CR1L: variants seen among roughly 807,000 people sequenced by gnomAD.
CR1L encodes complement C3b/C4b receptor 1 like, also known as complement component receptor 1-like protein.
In CR1L, 59 loss-of-function variants were observed where a neutral mutation model predicts 62.3. The observed-to-expected ratio is 0.95, with a 90% CI of 0.77 to 1.18. CR1L has a LOEUF of 1.18. CR1L is among the 50% of genes most tolerant of loss of function. The pLI is 0.00. For missense variants in CR1L, 700 were observed against 702.8 expected (o/e 1.00, Z 0.04); for synonymous variants, 279 against 248.7 (o/e 1.12, Z -1.15).
chr1:207,717,715 C>T (rs1257948505), intron 11 of CR1L, 24 bp downstream of exon 11: 27 of 1,612,334 alleles, frequency 1.7e-5, no homozygotes, highest in Non-Finnish European at 2.3e-5. Flanking sequence ...TCCACATATC[C>T]TAAATGGGTT....
At chr1:207,710,359 G>C in intron 10 of CR1L, 1 of 1,341,564 alleles carries the variant, frequency 7.5e-7, no homozygotes, top group Non-Finnish European at 1.1e-6. Flanking sequence ...TTGTTTTGGT[G>C]AACTTGCGGT....
At chr1:207,664,055 T>G (rs1324237560) in intron 1 of CR1L, among the ~76,000 whole-genome samples, 2 of 152,198 alleles carry the variant, frequency 1.3e-5, no homozygotes, top group African/African-American at 2.4e-5. Context: ...GCAGGAAAAG[T>G]CCTTATTTAC....
intron 10 of CR1L, chr1:207,710,755 G>C: frequency 6.2e-7 from 1 of 1,608,314 alleles, no homozygotes; most frequent in Admixed American, 1.7e-5. Context: ...CTGAACAAAT[G>C]GGAGCCGGAG....
chr1:207,671,967 C>CA (rs1354069006), intron 1 of CR1L, among the ~76,000 whole-genome samples: 1 of 150,334 alleles, frequency 6.7e-6, no homozygotes, highest in Admixed American at 6.6e-5. Flanking sequence ...GAATGCAAGA[C>CA]AAAAAATAGA....
chr1:207,673,801 A>T (rs1663649045), intron 1 of CR1L, among the ~76,000 whole-genome samples: 1 of 152,198 alleles, frequency 6.6e-6, no homozygotes, highest in South Asian at 2.1e-4. Context: ...ATTACTCAGC[A>T]TTTTACTCTT....
chr1:207,695,640 A>G (rs1664067173), intron 5 of CR1L, among the ~76,000 whole-genome samples: 3 of 152,312 alleles, frequency 2.0e-5, no homozygotes, highest in South Asian at 4.1e-4. Flanking sequence ...CTCACATTGT[A>G]TAAAGAACTA....
intron 3 of CR1L, among the ~76,000 whole-genome samples, chr1:207,681,999 G>A (rs1663806951): frequency 1.3e-5 from 2 of 151,992 alleles, no homozygotes; most frequent in South Asian, 4.2e-4. Flanking sequence ...CCTGTTGGTG[G>A]GTGGGGGGCT....
chr1:207,710,445 A>ATT, intron 10 of CR1L: 1 of 1,588,006 alleles, frequency 6.3e-7, no homozygotes, highest in South Asian at 1.1e-5. Flanking sequence ...GACAGAGAGT[A>ATT]TTTTCACTAT....
chr1:207,720,679 C>A (rs1236137585), intron 11 of CR1L, among the ~76,000 whole-genome samples: 1 of 152,098 alleles, frequency 6.6e-6, no homozygotes, highest in African/African-American at 2.4e-5. Flanking sequence ...TACATATAAC[C>A]CATATTTACG....
intron 1 of CR1L, among the ~76,000 whole-genome samples, chr1:207,661,712 C>A (rs11580299): frequency 6.6e-6 from 1 of 151,798 alleles, no homozygotes; most frequent in Non-Finnish European, 1.5e-5. Context: ...TTATTTTGCT[C>A]GTTAGTTGAT....
Position 207,645,141 on chromosome 1 carries a change from C to T in CR1L, c.-93C>T. The T allele has an allele frequency of 8.1e-7, 1 of 1,227,832 alleles. No homozygotes were observed. The allele number at this position is 1,227,832 out of a possible 1,614,324, so 76.1% of individuals were successfully genotyped here. On this transcript the variant is annotated 5_prime_UTR_variant, in exon 1 of 12. Coordinates refer to ENST00000508064, the MANE Select transcript of CR1L (RefSeq NM_175710.2). Reference sequence around the variant, plus strand: ...CTGTGAGTTTGGGGATTGTTGTGTCCACTAACCGGACTCAGAAGGGACTTC... The same window carrying T: ...CTGTGAGTTTGGGGATTGTTGTGTCTACTAACCGGACTCAGAAGGGACTTC...
At chr1:207,671,053 T>C (rs1371400732) in intron 1 of CR1L, among the ~76,000 whole-genome samples, 1 of 151,094 alleles carries the variant, frequency 6.6e-6, no homozygotes, top group Non-Finnish European at 1.5e-5. Flanking sequence ...AGGAAGCCAG[T>C]GTTCTGGTTT....
chr1:207,662,074 T>C (rs1663433614), intron 1 of CR1L, among the ~76,000 whole-genome samples: 1 of 152,214 alleles, frequency 6.6e-6, no homozygotes, highest in South Asian at 2.1e-4. Flanking sequence ...TGGCTGCCCT[T>C]AACATTTTTT....
chr1:207,709,247 T>G (rs7543097), intron 10 of CR1L: 96,323 of 156,354 alleles, frequency 0.62, 30,704 homozygotes, highest in East Asian at 0.87. Flanking sequence ...CTACAAAAAA[T>G]ACAAAAATTA....
chr1:207,658,258 A>T (rs187473894), intron 1 of CR1L, among the ~76,000 whole-genome samples: 1 of 151,978 alleles, frequency 6.6e-6, no homozygotes, highest in Non-Finnish European at 1.5e-5. Flanking sequence ...AAACTAGCAG[A>T]TGTAAGGAAA....
chr1:207,692,716 TTC>T (rs146257550), intron 4 of CR1L, among the ~76,000 whole-genome samples: 15 of 149,458 alleles, frequency 1.0e-4, no homozygotes, highest in Non-Finnish European at 1.0e-4. Flanking sequence ...ATGGATCCCC[TTC>T]TCTCTCTCTC....
intron 10 of CR1L, among the ~76,000 whole-genome samples, chr1:207,716,321 C>T (rs1417828541): frequency 1.3e-5 from 2 of 151,702 alleles, no homozygotes; most frequent in Admixed American, 1.3e-4. Context: ...TGGAAGGAGC[C>T]GGGATGACGA....
intron 10 of CR1L, among the ~76,000 whole-genome samples, chr1:207,713,887 G>T (rs1463087267): frequency 6.6e-6 from 1 of 152,056 alleles, no homozygotes. Flanking sequence ...CATCTCCAAG[G>T]CTGACTTGGC....
At chr1:207,701,680 C>T in intron 9 of CR1L, 62 bp downstream of exon 9, 1 of 1,606,280 alleles carries the variant, frequency 6.2e-7, no homozygotes, top group Non-Finnish European at 8.5e-7. Flanking sequence ...ACCTTCTAGC[C>T]ACATCTCAGG....
Sources: gnomAD v4.1 joint callset for allele counts (sites outside exome capture counted in the v4.1 genomes callset) on GRCh38, gnomAD v4.1.1 for gene constraint, MANE v1.5 for transcripts, NCBI Gene and HGNC (gene_info 2026-07-23, HGNC 2026-07-21) for gene names.